Variants in LMX1A observed in about 807,000 individuals in gnomAD.
LMX1A encodes LIM homeobox transcription factor 1 alpha.
In LMX1A, 15 loss-of-function variants were observed where a neutral mutation model predicts 49.1. The observed-to-expected ratio is 0.31, with a 90% CI of 0.20 to 0.47. LMX1A has a LOEUF of 0.47. LMX1A is among the 20% of genes least tolerant of loss of function. The pLI, the probability that LMX1A is intolerant of heterozygous loss-of-function variation, is 1.00. For synonymous variants in LMX1A, 167 were observed against 185.7 expected, an observed-to-expected ratio of 0.90 and a Z score of 0.82; for missense variants, 372 against 475.8, an observed-to-expected ratio of 0.78 and a Z score of 2.03.
At chr1:165,225,258 T>C (rs1651992370) in intron 4 of LMX1A, among the ~76,000 whole-genome samples, 2 of 152,330 alleles carry the variant, frequency 1.3e-5, no homozygotes, top group Admixed American at 1.3e-4. Flanking sequence ...CCCATAGCCA[T>C]GCTTCGTCAT....
At chr1:165,210,830 T>G in intron 5 of LMX1A, 54 bp from the exon 6 acceptor site, 1 of 1,349,842 alleles carries the variant, frequency 7.4e-7, no homozygotes. Flanking sequence ...GGGTAGGAGG[T>G]AGAACATCTC....
intron 3 of LMX1A, among the ~76,000 whole-genome samples, chr1:165,252,668 GGAGA>G (rs2102640846): frequency 6.6e-6 from 1 of 152,308 alleles, no homozygotes; most frequent in South Asian, 2.1e-4. Flanking sequence ...ATAGCGTACA[GGAGA>G]GAAAGTCAAG....
chr1:165,283,402 T>C (rs555179384), intron 3 of LMX1A, among the ~76,000 whole-genome samples: 2 of 152,354 alleles, frequency 1.3e-5, no homozygotes, highest in South Asian at 4.1e-4. Flanking sequence ...AAGTAACACA[T>C]GACTGTATGT....
At chr1:165,321,863 T>C (rs1469160644) in intron 3 of LMX1A, among the ~76,000 whole-genome samples, 1 of 152,054 alleles carries the variant, frequency 6.6e-6, no homozygotes, top group Non-Finnish European at 1.5e-5. Flanking sequence ...ATATAACATA[T>C]ACAGGTCTAG....
In LMX1A at chr1:165,203,701, A is replaced by G; in HGVS notation, c.*179T>C. 1.8e-6 allele frequency: 1 copy of G among 545,132 alleles called. No individual in the cohort carries two copies. The highest frequency in any genetic ancestry group is 3.0e-5 in the Admixed American group (1 of 32,826). The allele number at this position is 545,132 out of a possible 1,614,324, so 33.8% of individuals were successfully genotyped here. ...TTAGAAACATTAAACTATGCAATCC[A>G]TAATGTATTCAGTCTTTGGAAATGC... On this transcript the variant is annotated 3_prime_UTR_variant, in exon 9 of 9. Transcript: ENST00000342310.
intron 3 of LMX1A, among the ~76,000 whole-genome samples, chr1:165,343,639 C>A (rs1447817482): frequency 1.3e-5 from 2 of 152,094 alleles, no homozygotes; most frequent in Non-Finnish European, 2.9e-5. Flanking sequence ...CCACTCATAC[C>A]CACCTGTCTA....
intron 3 of LMX1A, 49 bp downstream of exon 3, chr1:165,353,027 C>T (rs1370194879): frequency 3.1e-6 from 5 of 1,588,258 alleles, no homozygotes; most frequent in African/African-American, 2.7e-5. Flanking sequence ...GTCCTCGACG[C>T]ACACTGATGC....
intron 3 of LMX1A, among the ~76,000 whole-genome samples, chr1:165,319,023 ACACACACACACACACACACC>A (rs1655303620): frequency 2.2e-5 from 3 of 137,778 alleles, no homozygotes; most frequent in South Asian, 4.6e-4. Context: ...ACACACACAC[ACACACACACACACACACACC>A]CCAACTTCTT....
At chr1:165,233,875 T>G (rs1652326244) in intron 4 of LMX1A, among the ~76,000 whole-genome samples, 1 of 152,194 alleles carries the variant, frequency 6.6e-6, no homozygotes, top group Non-Finnish European at 1.5e-5. Flanking sequence ...AAGGCATAAA[T>G]GAATGAATAA....
At chr1:165,310,151 G>A (rs368721901) in intron 3 of LMX1A, among the ~76,000 whole-genome samples, 4 of 152,166 alleles carry the variant, frequency 2.6e-5, no homozygotes, top group African/African-American at 9.7e-5. Flanking sequence ...GTTTTGTAAA[G>A]GCAGGGACAT....
chr1:165,276,659 GT>G (rs66777327), intron 3 of LMX1A, among the ~76,000 whole-genome samples: 45,723 of 144,122 alleles, frequency 0.32, 7,378 homozygotes, highest in African/African-American at 0.43. Context: ...GTAAAGAAAA[GT>G]CAAAAAAAAA....
chr1:165,245,883 C>T (rs1652835185), intron 4 of LMX1A, among the ~76,000 whole-genome samples: 1 of 151,896 alleles, frequency 6.6e-6, no homozygotes, highest in Admixed American at 6.6e-5. Context: ...TATCCACTGC[C>T]ACACCAGCCT....
chr1:165,306,840 A>C (rs1398884541), intron 3 of LMX1A, among the ~76,000 whole-genome samples: 1 of 152,132 alleles, frequency 6.6e-6, no homozygotes, highest in Non-Finnish European at 1.5e-5. Context: ...CATCAGTAGG[A>C]TTTCCACTCT....
intron 4 of LMX1A, among the ~76,000 whole-genome samples, chr1:165,236,304 A>G (rs1652438721): frequency 6.6e-6 from 1 of 152,028 alleles, no homozygotes; most frequent in African/African-American, 2.4e-5. Flanking sequence ...GTGTCTTGGG[A>G]CAGAATTACA....
At chr1:165,329,250 G>C (rs988972652) in intron 3 of LMX1A, among the ~76,000 whole-genome samples, 1 of 152,112 alleles carries the variant, frequency 6.6e-6, no homozygotes, top group Non-Finnish European at 1.5e-5. Flanking sequence ...GAACAGCATG[G>C]GGAAACCACT....
At chr1:165,349,529 T>G (rs896900344) in intron 3 of LMX1A, among the ~76,000 whole-genome samples, 2 of 152,236 alleles carry the variant, frequency 1.3e-5, no homozygotes, top group African/African-American at 2.4e-5. Flanking sequence ...TAGCAATTTT[T>G]CCATGTTGAC....
intron 3 of LMX1A, among the ~76,000 whole-genome samples, chr1:165,274,933 A>G (rs1653918524): frequency 6.6e-6 from 1 of 152,220 alleles, no homozygotes; most frequent in South Asian, 2.1e-4. Flanking sequence ...AGTGACTGAC[A>G]CATAGTAGGT....
intron 3 of LMX1A, among the ~76,000 whole-genome samples, chr1:165,305,036 T>C (rs1050356211): frequency 3.9e-5 from 6 of 152,220 alleles, no homozygotes; most frequent in Admixed American, 3.3e-4. Flanking sequence ...CTATTCCTTG[T>C]CTCTTGGGCC....
rs143591759 is a variant in LMX1A, at chr1:165,241,712, A to G, written c.496+7696T>C. Among the ~76,000 whole-genome samples the G allele has an allele frequency of 3.1e-3, 472 of 152,358 alleles. 1 individual carries two copies. Among genetic ancestry groups the G allele is most frequent in the African/African-American group, 9.7e-3 (404 of 41,576 alleles). On this transcript the variant is annotated intron_variant, in intron 4 of 8. Coordinates refer to ENST00000342310, the MANE Select transcript of LMX1A (RefSeq NM_177398.4). Reference sequence around the variant, plus strand: ...CAGAGAAGAGTTGGGCATTTTCTAGAATTTGTGAGTTAACTGCTGCTTCTC... The same window carrying G: ...CAGAGAAGAGTTGGGCATTTTCTAGGATTTGTGAGTTAACTGCTGCTTCTC...
Sources: allele counts gnomAD v4.1 joint callset (sites outside exome capture counted in the v4.1 genomes callset), GRCh38; gene constraint gnomAD v4.1.1; transcripts MANE v1.5; gene names NCBI Gene and HGNC (gene_info 2026-07-23, HGNC 2026-07-21).